TTN: variants seen among roughly 807,000 people sequenced by gnomAD.
TTN encodes connectin.
TTN carries 1,525 observed loss-of-function variants against 3,223.0 expected under a neutral mutation model. The observed-to-expected ratio is 0.47, with a 90% CI of 0.45 to 0.49. TTN has a LOEUF of 0.49. Ranked by LOEUF, TTN falls within the 20% of genes least tolerant of loss-of-function variation. The pLI is 0.00. For missense variants in TTN, 40,786 were observed against 43,424.0 expected (o/e 0.94, Z 5.40); for synonymous variants, 14,094 against 15,161.0 (o/e 0.93, Z 5.17).
At chr2:178,674,499 C>T (rs1481082473) in intron 150 of TTN, 90 bp from the exon 151 acceptor site, 15 of 755,270 alleles carry the variant, frequency 2.0e-5, no homozygotes, top group East Asian at 2.9e-5. Context: ...GCTCAGCCTT[C>T]GAAACGCTTG....
chr2:178,757,518 T>G, intron 45 of TTN, 24 bp downstream of exon 45: 1 of 1,518,490 alleles, frequency 6.6e-7, no homozygotes, highest in Non-Finnish European at 8.8e-7. Context: ...CAAATCAAAG[T>G]CCTTGAAGCA....
chr2:178,573,758 G>A lies in TTN; in HGVS notation c.72374C>T (p.Pro24125Leu). Reference protein sequence around the residue: ...FNVKVLDRPGPPEGPLAVTEV... With the variant: ...FNVKVLDRPGLPEGPLAVTEV... ...AGTTACAGCCAAAGGTCCTTCAGGT[G>A]GGCCTGGTCTGTCAAGAACTTTGAC... The change falls in exon 326 of 363, where the codon CCA (proline) becomes CTA (leucine). Residue 24125 changes from proline to leucine, a missense_variant. Transcript: ENST00000589042. The A allele has an allele frequency of 6.3e-7, 1 of 1,589,064 alleles. No homozygotes were observed. The highest frequency in any genetic ancestry group is 8.6e-7 in the Non-Finnish European group (1 of 1,168,550).
rs1354030079 is a variant in TTN at position 178,617,226 on chromosome 2, T to C, written c.47769A>G (p.Gly15923=). 1.9e-6 allele frequency: 3 copies of C among 1,546,462 alleles called. No homozygotes were observed. Among genetic ancestry groups the C allele is most frequent in the East Asian group, 4.8e-5 (2 of 41,646 alleles). ...ATAAATATTTATTTCCTTTTTCCAA[T>C]CCGGTAACCTACGATTATGAATTAA... ...LVPELTYKVT[G]LEKGNKYLYR... is the part of the protein sequence containing the mutation. Residue 15923 remains glycine (G), a synonymous_variant, in exon 255 of 363, where the codon GGA becomes GGG. Coordinates refer to ENST00000589042, the MANE Select transcript of TTN (RefSeq NM_001267550.2).
At chr2:178,586,385 G>A (rs1326544342) in intron 308 of TTN, 120 bp downstream of exon 308, 1 of 1,226,658 alleles carries the variant, frequency 8.2e-7, no homozygotes, top group Non-Finnish European at 1.1e-6. Context: ...GAAAGCCACT[G>A]TTCTCTACTG....
rs1553893827 is a variant in TTN, at chr2:178,713,381, T to TATAAA, written c.26762-10_26762-9insTTTAT. Reference sequence around the variant, plus strand: ...AGGAGGAACGGTTCGGTCTGAATGATACAAAACAAAACAAAACAAAACAAA... The same window carrying TATAAA: ...AGGAGGAACGGTTCGGTCTGAATGATATAAAACAAAACAAAACAAAACAAAACAAA... On this transcript the variant is annotated splice_polypyrimidine_tract_variant and intron_variant, in intron 92 of 362. Transcript: ENST00000589042. The TATAAA allele has an allele frequency of 6.8e-7, 1 of 1,466,886 alleles. No homozygotes were observed. Among genetic ancestry groups the TATAAA allele is most frequent in the Non-Finnish European group, 9.0e-7 (1 of 1,110,572 alleles). The allele number at this position is 1,466,886 out of a possible 1,614,324, so 90.9% of individuals were successfully genotyped here.
rs373763242 is a variant in TTN at position 178,750,839 on chromosome 2, T to C, written c.11311+2285A>G. 14 of 1,613,056 alleles carry C rather than the reference T, an allele frequency of 8.7e-6. No individual in the cohort carries two copies. Among genetic ancestry groups the C allele is most frequent in the African/African-American group, 6.7e-5 (5 of 74,874 alleles). On this transcript the variant is annotated intron_variant, in intron 47 of 362. Transcript: ENST00000589042. The stretch of plus-strand genomic sequence containing the variant: ...CTCCTTCTCACATACATTAGTGATA[T>C]ATGTGGATGACTCTCCAATTGTAGT...
intron 288 of TTN, 68 bp from the exon 289 acceptor site, chr2:178,599,918 G>A: frequency 7.0e-7 from 1 of 1,438,174 alleles, no homozygotes; most frequent in Non-Finnish European, 9.3e-7. Context: ...AGAATTCACA[G>A]TTACTATAAA....
chr2:178,566,493 G>A lies in TTN; in HGVS notation c.79639C>T (p.Arg26547Ter). 1.2e-6 allele frequency: 2 copies of A among 1,613,384 alleles called. No homozygotes were observed. Among genetic ancestry groups the A allele is most frequent in the Non-Finnish European group, 1.7e-6 (2 of 1,179,656 alleles). The change falls in exon 326 of 363, where the codon CGA (arginine) becomes TGA (stop). Residue 26547 changes from arginine to a stop codon, truncating the protein, a stop_gained. Transcript: ENST00000589042. LOFTEE classifies it high-confidence loss of function. ...VTPQTGLRVT[R>*]FEISKLTEHQ... ...TCAGTGAGTTTTGAAATTTCAAATC[G>A]AGTGACTCTCAGGCCAGTCTGTGGA...
intron 306 of TTN, 32 bp from the exon 307 acceptor site, chr2:178,587,449 T>C: frequency 6.2e-7 from 1 of 1,603,072 alleles, no homozygotes; most frequent in Non-Finnish European, 8.5e-7. Flanking sequence ...GATATACATG[T>C]CTCCTCAGCA....
Position 178,621,589 on chromosome 2 carries a change from G to A in TTN, c.45235C>T (p.Leu15079=), listed in dbSNP as rs1333019669. 1 of 1,612,492 alleles carries A rather than the reference G, an allele frequency of 6.2e-7. No individual in the cohort carries two copies. Among genetic ancestry groups the A allele is most frequent in the East Asian group, 2.2e-5 (1 of 44,670 alleles). ...AGGATTCTCTTCCGTCCTTCAGTCA[G>A]TATTTCATATCTTCCTGTTTCAATG... ...EIIETGRYEI[L]TEGRKRILVI... Residue 15079 remains leucine (L), a synonymous_variant, in exon 245 of 363, where the codon CTG becomes TTG. Coordinates refer to ENST00000589042, the MANE Select transcript of TTN (RefSeq NM_001267550.2).
rs1178148859 is a variant in TTN, at chr2:178,612,857, A to G, written c.49864T>C (p.Ser16622Pro). 1 of 1,612,436 alleles carries G rather than the reference A, an allele frequency of 6.2e-7. No homozygotes were observed. The highest frequency in any genetic ancestry group is 2.2e-5 in the East Asian group (1 of 44,548). ...TTATTCACAGCTCTAACTCGGAATG[A>G]GTATTCCTGTCCTTCCATGAGCCCT... is the stretch of plus-strand genomic sequence containing the variant. ...LPGLMEGQEY[S>P]FRVRAVNKAG... The change falls in exon 265 of 363, where the codon TCA becomes CCA. Residue 16622 changes from serine to proline, a missense_variant. By Grantham distance (74) the Ser-to-Pro change is moderately conservative. Transcript: ENST00000589042.
At position 178,569,095 on chromosome 2, in the gene TTN, A is replaced by G. The variant is rs372800320; in HGVS notation, c.77037T>C (p.Asn25679=). 3 of 1,613,302 alleles carry G rather than the reference A, an allele frequency of 1.9e-6. No individual in the cohort carries two copies. In the African/African-American group the frequency reaches 4.0e-5, roughly 22 times the overall value. The part of the protein sequence containing the change: ...CSYYFRVTAE[N]EYGIGLPAQT... ...GGGCAGGAAGGCCAATACCATACTCATTCTCAGCTGTGACTCTAAAGTAAT... is the reference window on the plus strand; with the variant it reads ...GGGCAGGAAGGCCAATACCATACTCGTTCTCAGCTGTGACTCTAAAGTAAT... Residue 25679 remains asparagine, a synonymous_variant, in exon 326 of 363, where the codon AAT becomes AAC. Coordinates refer to ENST00000589042, the MANE Select transcript of TTN (RefSeq NM_001267550.2).
rs1364010226 is a variant in TTN, at chr2:178,558,220, T to C, written c.87134A>G (p.Asp29045Gly). The C allele has an allele frequency of 6.2e-7, 1 of 1,607,074 alleles. No individual in the cohort carries two copies. The highest frequency in any genetic ancestry group is 8.5e-7 in the Non-Finnish European group (1 of 1,178,362). Residue 29045 changes from aspartate (D) to glycine (G), a missense_variant, in exon 328 of 363, where the codon GAT becomes GGT. By Grantham distance (94) the Asp-to-Gly change is moderately conservative (BLOSUM62 -1). Coordinates refer to ENST00000589042, the MANE Select transcript of TTN (RefSeq NM_001267550.2). Reference sequence around the variant, plus strand: ...AGTGTGACTTGGGAAATTCTTCATATCAATTTCAGGTGGTTCTGAAAAATG... The same window carrying C: ...AGTGTGACTTGGGAAATTCTTCATACCAATTTCAGGTGGTTCTGAAAAATG... Reference protein sequence around the residue: ...IKEQLEPPEIDMKNFPSHTVY... With the variant: ...IKEQLEPPEIGMKNFPSHTVY...
At chr2:178,635,065 C>T in intron 228 of TTN, 100 bp downstream of exon 228, 3 of 1,521,814 alleles carry the variant, frequency 2.0e-6, no homozygotes, top group Non-Finnish European at 2.7e-6. Context: ...ACTCCATTAA[C>T]TCCATTATTA....
At position 178,553,580 on chromosome 2, in the gene TTN, G is replaced by A. The variant is rs112777680; in HGVS notation, c.89425C>T (p.Arg29809Trp). Residue 29809 changes from arginine (R) to tryptophan (W), a missense_variant, in exon 334 of 363, where the codon CGG becomes TGG. Coordinates refer to ENST00000589042, the MANE Select transcript of TTN (RefSeq NM_001267550.2). ...NLKPGVNYYF[R>W]VSAVNCAGQG... is the part of the protein sequence containing the mutation. ...CCAGCACAGTTTACAGCAGATACCC[G>A]GAAGTAGTAATTGACTCCAGGTTTC... The A allele has an allele frequency of 1.3e-5, 21 of 1,613,690 alleles. No individual in the cohort carries two copies. The highest frequency in any genetic ancestry group is 4.5e-5 in the East Asian group (2 of 44,876).
intron 221 of TTN, 39 bp downstream of exon 221, chr2:178,640,502 C>T: frequency 6.5e-7 from 1 of 1,549,284 alleles, no homozygotes. Context: ...TACATATTTG[C>T]ATTTTTAGAG....
At position 178,558,536 on chromosome 2, in the gene TTN, C is replaced by A; in HGVS notation, c.86923G>T (p.Val28975Leu). 6.2e-7 allele frequency: 1 copy of A among 1,613,764 alleles called. No homozygotes were observed. Among genetic ancestry groups the A allele is most frequent in the South Asian group, 1.1e-5 (1 of 91,080 alleles). Residue 28975 changes from valine to leucine, a missense_variant, in exon 327 of 363, where the codon GTA becomes TTA. By Grantham distance (32) the Val-to-Leu change is conservative. Transcript: ENST00000589042. ...TCTAGTGCTTCAACGACATAGTGTA[C>A]AATTCTGCTTCCGCCATCATGTTCA... The part of the protein sequence containing the change: ...KPEHDGGSRI[V>L]HYVVEALEKG...
chr2:178,594,222 C>A lies in TTN; in HGVS notation c.58171G>T (p.Asp19391Tyr). The A allele has an allele frequency of 6.2e-7, 1 of 1,613,022 alleles. No individual in the cohort carries two copies. Among genetic ancestry groups the A allele is most frequent in the Non-Finnish European group, 8.5e-7 (1 of 1,179,566 alleles). ...CGAATCGTGAGCTTATCTCTGAAGT[C>A]GAGGTGAAGCGTTGGGGGTGCTAAA... The part of the protein sequence containing the change: ...DELAPPTLHL[D>Y]FRDKLTIRVG... Residue 19391 changes from aspartate to tyrosine, a missense_variant, in exon 297 of 363, where the codon GAC (aspartate) becomes TAC (tyrosine). Asp to Tyr is a radical substitution (Grantham distance 160, BLOSUM62 -3). Transcript: ENST00000589042.
In TTN at chr2:178,704,123, A is replaced by G. The variant is rs776588425; in HGVS notation, c.30223+24T>C. On this transcript the variant is annotated intron_variant, in intron 106 of 362. Transcript: ENST00000589042. ...GCCATTGACCTATGCTGTACCCACA[A>G]GGACTCCATAGTGTTTCACGCACCT... The G allele has an allele frequency of 8.1e-6, 13 of 1,610,544 alleles. No homozygotes were observed. In the Admixed American group the frequency reaches 2.0e-4, roughly 25 times the overall value.
Sources: allele counts gnomAD v4.1 joint callset, GRCh38; gene constraint gnomAD v4.1.1; transcripts MANE v1.5; gene names NCBI Gene and HGNC (gene_info 2026-07-23, HGNC 2026-07-21).